The following IGF1R variants were observed in gnomAD, a reference collection of about 807,000 sequenced individuals.
IGF1R encodes the protein insulin like growth factor 1 receptor.
IGF1R carries 44 observed loss-of-function variants against 144.6 expected under a neutral mutation model. That is an observed-to-expected ratio of 0.30 (90% CI 0.24 to 0.39). The LOEUF is 0.39. IGF1R is among the 10% of genes least tolerant of loss of function. IGF1R has a pLI of 1.00. For missense variants in IGF1R, 1,355 were observed against 1,833.7 expected (o/e 0.74, Z 4.77); for synonymous variants, 795 against 722.8 (o/e 1.10, Z -1.60).
At position 98,649,573 on chromosome 15, in the gene IGF1R, A is replaced by G. The variant is rs1270469953; in HGVS notation, c.-9A>G. 7.4e-6 allele frequency: 11 copies of G among 1,488,054 alleles called. No individual in the cohort carries two copies. In the Admixed American group the frequency reaches 1.5e-4, roughly 21 times the overall value. The allele number at this position is 1,488,054 out of a possible 1,614,324, so 92.2% of individuals were successfully genotyped here. A position where few individuals can be genotyped will look rare whatever the true frequency, so the allele number is the denominator to read the frequency against. ...TTGAGAAAGGGGAATTTCATCCCAA[A>G]TAAAAGGAATGAAGTCTGGCTCCGG... On this transcript the variant is annotated 5_prime_UTR_variant, in exon 1 of 21. Coordinates refer to ENST00000650285, the MANE Select transcript of IGF1R (RefSeq NM_000875.5).
At chr15:98,793,246 A>G (rs548889122) in intron 2 of IGF1R, among the ~76,000 whole-genome samples, 86 of 152,382 alleles carry the variant, frequency 5.6e-4, no homozygotes, top group African/African-American at 2.1e-3. Flanking sequence ...AAAATTAGCA[A>G]ATAGCAAGAA....
At chr15:98,743,450 G>A (rs891737820) in intron 2 of IGF1R, among the ~76,000 whole-genome samples, 1 of 152,100 alleles carries the variant, frequency 6.6e-6, no homozygotes, top group Admixed American at 6.5e-5. Context: ...CTATACAACT[G>A]TTCGACTAAC....
chr15:98,932,200 A>C (rs1423626114), intron 15 of IGF1R, among the ~76,000 whole-genome samples: 1 of 152,252 alleles, frequency 6.6e-6, no homozygotes, highest in Admixed American at 6.5e-5. Flanking sequence ...CAACAAAAAC[A>C]AACTTATTGC....
In IGF1R at chr15:98,699,920, C is replaced by T. The variant is rs553264709; in HGVS notation, c.95-7642C>T. Among the ~76,000 whole-genome samples, 4 of 152,128 alleles carry T rather than the reference C, an allele frequency of 2.6e-5. No homozygotes were observed. In the East Asian group the frequency reaches 7.7e-4, roughly 29 times the overall value. ...TCTCTTACATTCTTATCATTGCCTT[C>T]AGTTATTGAATGTGTTAGGTGGCCA... is the stretch of plus-strand genomic sequence containing the variant. On this transcript the variant is annotated intron_variant, in intron 1 of 20. Transcript: ENST00000650285.
Position 98,948,725 on chromosome 15 carries a change from C to T in IGF1R, c.3722+17C>T, listed in dbSNP as rs756021567. 11 of 1,613,606 alleles carry T rather than the reference C, an allele frequency of 6.8e-6. No individual in the cohort carries two copies. The Admixed American group carries it at 8.3e-5, about 12-fold the overall frequency. The stretch of plus-strand genomic sequence containing the variant: ...TGACATGCTGTACGTACTTCCTGGG[C>T]CCTCCGTGCTCTTCTGAGTTCTCTT... On this transcript the variant is annotated intron_variant, in intron 20 of 20. Transcript: ENST00000650285.
chr15:98,765,370 G>T (rs2055412653), intron 2 of IGF1R, among the ~76,000 whole-genome samples: 1 of 136,526 alleles, frequency 7.3e-6, no homozygotes, highest in Admixed American at 8.5e-5. Flanking sequence ...AGGCTGGGGT[G>T]CAGTCTTGGT....
intron 2 of IGF1R, chr15:98,734,572 A>C (rs552586342): frequency 1.3e-5 from 2 of 152,232 alleles, no homozygotes; most frequent in Non-Finnish European, 2.9e-5. Flanking sequence ...GGCTTAGCCA[A>C]ATGCTAACAG....
Position 98,916,795 on chromosome 15 carries a change from C to T in IGF1R, c.2120C>T (p.Ala707Val), listed in dbSNP as rs2151683056. Residue 707 changes from alanine (A) to valine (V), a missense_variant, in exon 10 of 21, where the codon GCC becomes GTC. By Grantham distance (64) the Ala-to-Val change is moderately conservative (BLOSUM62 0). This residue lies in a region of IGF1R where 880 missense variants were observed against 1,202.7 expected (regional missense o/e 0.73). Coordinates refer to ENST00000650285, the MANE Select transcript of IGF1R (RefSeq NM_000875.5). ...GPCCACPKTE[A>V]EKQAEKEEAE... Reference sequence around the variant, plus strand: ...TGCTGCGCCTGCCCCAAAACTGAAGCCGAGAAGCAGGCCGAGAAGGAGGAG... The same window carrying T: ...TGCTGCGCCTGCCCCAAAACTGAAGTCGAGAAGCAGGCCGAGAAGGAGGAG... The T allele has an allele frequency of 6.2e-7, 1 of 1,614,032 alleles. No individual in the cohort carries two copies.
chr15:98,743,741 G>A (rs946708420), intron 2 of IGF1R, among the ~76,000 whole-genome samples: 3 of 152,114 alleles, frequency 2.0e-5, no homozygotes, highest in Non-Finnish European at 2.9e-5. Context: ...ATTCATCCTG[G>A]CCACAGTGTA....
intron 2 of IGF1R, among the ~76,000 whole-genome samples, chr15:98,749,054 G>GC (rs1479983985): frequency 1.3e-5 from 2 of 151,942 alleles, no homozygotes; most frequent in Non-Finnish European, 2.9e-5. Context: ...CCTGTCAATT[G>GC]CCCGTTATTC....
chr15:98,942,169 T>C (rs937377716), intron 18 of IGF1R, among the ~76,000 whole-genome samples: 2 of 152,186 alleles, frequency 1.3e-5, no homozygotes, highest in African/African-American at 4.8e-5. Flanking sequence ...AGTGAAATTA[T>C]TTACTTTTCT....
In IGF1R at chr15:98,963,384, G is replaced by A. The variant is rs1254388088; in HGVS notation, c.*5942G>A. 4.3e-6 allele frequency: 1 copy of A among 233,236 alleles called. No homozygotes were observed. Among genetic ancestry groups the A allele is most frequent in the African/African-American group, 2.2e-5 (1 of 45,338 alleles). The allele number at this position is 233,236 out of a possible 1,614,324, so 14.4% of individuals were successfully genotyped here. On this transcript the variant is annotated 3_prime_UTR_variant, in exon 21 of 21. Coordinates refer to ENST00000650285, the MANE Select transcript of IGF1R (RefSeq NM_000875.5). ...TTTAAAAAGTAGTTCTGTATCTTCAGTATCTTGGTCTTCCAGAACCCTCTG... is the reference window on the plus strand; with the variant it reads ...TTTAAAAAGTAGTTCTGTATCTTCAATATCTTGGTCTTCCAGAACCCTCTG...
At chr15:98,657,238 G>A (rs28680698) in intron 1 of IGF1R, among the ~76,000 whole-genome samples, 59,192 of 152,050 alleles carry the variant, frequency 0.39, 11,698 homozygotes, top group Non-Finnish European at 0.4. Flanking sequence ...GAATTTATTT[G>A]TAGGAGTTTT....
At chr15:98,874,962 C>T (rs912377775) in intron 2 of IGF1R, among the ~76,000 whole-genome samples, 2 of 152,216 alleles carry the variant, frequency 1.3e-5, no homozygotes, top group Admixed American at 6.5e-5. Flanking sequence ...CAGCCTTTAC[C>T]CTGGGTTTCA....
intron 2 of IGF1R, among the ~76,000 whole-genome samples, chr15:98,849,754 G>C (rs896779306): frequency 6.6e-6 from 1 of 152,158 alleles, no homozygotes; most frequent in African/African-American, 2.4e-5. Context: ...TTGGGATGAA[G>C]TATTGAACAG....
chr15:98,902,706 G>A lies in IGF1R; in HGVS notation c.1247+3085G>A, dbSNP rs996347406. On this transcript the variant is annotated intron_variant, in intron 5 of 20. Coordinates refer to ENST00000650285, the MANE Select transcript of IGF1R (RefSeq NM_000875.5). ...TGGGATTACAGGCTTGAGCCACCAC[G>A]CCCGGCCTTCTTGAACTTCTTTTAT... is the stretch of plus-strand genomic sequence containing the variant. 5.3e-5 allele frequency among the ~76,000 whole-genome samples: 8 copies of A among 152,240 alleles called. No homozygotes were observed. In the South Asian group the frequency reaches 1.0e-3, roughly 20 times the overall value.
chr15:98,738,460 C>T (rs1051598272), intron 2 of IGF1R, among the ~76,000 whole-genome samples: 1 of 152,154 alleles, frequency 6.6e-6, no homozygotes, highest in Non-Finnish European at 1.5e-5. Flanking sequence ...CACTTGAGCC[C>T]AGGAGTTCGA....
chr15:98,722,532 GC>G (rs998524198), intron 2 of IGF1R, among the ~76,000 whole-genome samples: 1 of 152,124 alleles, frequency 6.6e-6, no homozygotes. Context: ...GTGTCCCTCT[GC>G]CCCCCACCTC....
At chr15:98,847,240 G>A (rs1429003932) in intron 2 of IGF1R, among the ~76,000 whole-genome samples, 2 of 152,178 alleles carry the variant, frequency 1.3e-5, no homozygotes, top group African/African-American at 4.8e-5. Flanking sequence ...GACTCCCAAA[G>A]TGCTGGGATT....
Sources: gnomAD v4.1 joint callset for allele counts (sites outside exome capture counted in the v4.1 genomes callset) on GRCh38, gnomAD v4.1.1 for gene constraint, gnomAD v4.1.1 regional missense constraint, MANE v1.5 for transcripts, NCBI Gene and HGNC (gene_info 2026-07-23, HGNC 2026-07-21) for gene names.